The following SLC30A9 variants were observed in gnomAD, a reference collection of about 807,000 sequenced individuals.
SLC30A9 encodes the protein solute carrier family 30 member 9, also known as proton-coupled zinc antiporter SLC30A9, mitochondrial.
Under a neutral mutation model 87.5 loss-of-function variants are expected in SLC30A9, and 58 were observed. The ratio of observed to expected loss-of-function variants is 0.66; its 90% CI spans 0.54 to 0.82. The LOEUF (loss-of-function observed/expected upper bound fraction) is 0.82, where lower values mean the gene tolerates loss of function less well. Ranked by LOEUF, SLC30A9 falls within the 40% of genes least tolerant of loss-of-function variation. The probability of loss-of-function intolerance (pLI) is 0.00; values close to 1 mark genes in which losing one functional copy is unlikely to be tolerated. For synonymous variants in SLC30A9, 234 were observed against 233.0 expected, an observed-to-expected ratio of 1.00 and a Z score of -0.04; for missense variants, 557 against 679.1, an observed-to-expected ratio of 0.82 and a Z score of 2.00.
intron 2 of SLC30A9, among the ~76,000 whole-genome samples, chr4:42,008,512 T>C (rs1356552677): frequency 6.6e-6 from 1 of 152,128 alleles, no homozygotes; most frequent in Non-Finnish European, 1.5e-5. Flanking sequence ...ATTTAGGAGT[T>C]TTTACCTATA....
rs140212831 is a variant in SLC30A9, at chr4:42,022,908, T to C, written c.505T>C (p.Leu169=). 5.3e-4 allele frequency: 839 copies of C among 1,581,898 alleles called. 3 individuals are homozygous for C. The highest frequency in any genetic ancestry group is 1.6e-3 in the South Asian group (138 of 85,396). The change falls in exon 5 of 18, where the codon TTG becomes CTG. Residue 169 remains leucine (L), a synonymous_variant. Coordinates refer to ENST00000264451, the MANE Select transcript of SLC30A9 (RefSeq NM_006345.4). ...AGATACTGAGTCTTTTACTGTATAC[T>C]TGAGATCAGATGTGGAAGCAAAGTA... ...HEDTESFTVY[L]RSDVEAKSLE... is the part of the protein sequence containing the mutation.
intron 10 of SLC30A9, among the ~76,000 whole-genome samples, chr4:42,061,267 C>A (rs1440131848): frequency 1.3e-5 from 2 of 152,106 alleles, no homozygotes; most frequent in Non-Finnish European, 2.9e-5. Flanking sequence ...TGAAATGTGG[C>A]CAGTGCAACT....
chr4:42,025,923 G>T (rs1577692493), intron 6 of SLC30A9, among the ~76,000 whole-genome samples: 1 of 152,084 alleles, frequency 6.6e-6, no homozygotes, highest in South Asian at 2.1e-4. Flanking sequence ...AAAGTGCTGG[G>T]ATTACAGGCG....
At chr4:42,026,266 T>G (rs1716187676) in intron 6 of SLC30A9, among the ~76,000 whole-genome samples, 1 of 152,222 alleles carries the variant, frequency 6.6e-6, no homozygotes, top group African/African-American at 2.4e-5. Context: ...TGGTTTCCAT[T>G]GAGTTTCTTT....
chr4:41,991,176 C>T (rs1166521442), intron 1 of SLC30A9, among the ~76,000 whole-genome samples: 1 of 152,232 alleles, frequency 6.6e-6, no homozygotes, highest in Non-Finnish European at 1.5e-5. Flanking sequence ...ATTTTCTTGG[C>T]CTTCTTTTTC....
intron 2 of SLC30A9, among the ~76,000 whole-genome samples, chr4:42,005,937 T>C (rs1715183073): frequency 6.6e-6 from 1 of 152,222 alleles, no homozygotes; most frequent in Non-Finnish European, 1.5e-5. Flanking sequence ...CATTTAGCCC[T>C]GTATTCATGT....
intron 7 of SLC30A9, among the ~76,000 whole-genome samples, chr4:42,035,999 T>C (rs1284328766): frequency 6.6e-6 from 1 of 152,198 alleles, no homozygotes; most frequent in Admixed American, 6.5e-5. Flanking sequence ...ACTCTGTGCT[T>C]GTATCCAAGA....
At chr4:42,001,247 C>T (rs1714970289) in intron 1 of SLC30A9, among the ~76,000 whole-genome samples, 1 of 151,986 alleles carries the variant, frequency 6.6e-6, no homozygotes, top group Non-Finnish European at 1.5e-5. Context: ...AAGAAGGACA[C>T]AGGATAATTT....
rs150264705 is a variant in SLC30A9 at position 42,035,739 on chromosome 4, G to A, written c.669+406G>A. On this transcript the variant is annotated intron_variant, in intron 7 of 17. Transcript: ENST00000264451. ...TTGAACTCCTGACCTCAGGTGATGC[G>A]CCTGCCTCGGCCTCCCAAAGTGTTG... Among the ~76,000 whole-genome samples, 1,172 of 147,854 alleles carry A rather than the reference G, an allele frequency of 7.9e-3. 15 individuals carry two copies. Among genetic ancestry groups the A allele is most frequent in the African/African-American group, 0.026 (1,082 of 41,130 alleles).
At chr4:42,035,131 C>A in intron 6 of SLC30A9, 144 bp from the exon 7 acceptor site, 1 of 742,108 alleles carries the variant, frequency 1.3e-6, no homozygotes, top group Non-Finnish European at 2.1e-6. Flanking sequence ...AATCAGTTTA[C>A]AAATCCAAAT....
At chr4:42,064,421 T>A (rs1279496001) in intron 11 of SLC30A9, among the ~76,000 whole-genome samples, 3 of 151,698 alleles carry the variant, frequency 2.0e-5, no homozygotes, top group Non-Finnish European at 4.4e-5. Flanking sequence ...TGTTATATCA[T>A]GCAAATCTAC....
At chr4:42,078,947 T>C (rs1295216568) in intron 17 of SLC30A9, 1 of 152,214 alleles carries the variant, frequency 6.6e-6, no homozygotes, top group East Asian at 1.9e-4. Context: ...CTGCAGTTGA[T>C]ATTGACCATT....
chr4:42,020,708 A>G, intron 4 of SLC30A9, 193 bp downstream of exon 4: 1 of 451,192 alleles, frequency 2.2e-6, no homozygotes, highest in Non-Finnish European at 3.9e-6. Flanking sequence ...CTGCCCCAGC[A>G]TTAGCAATTC....
At chr4:41,991,022 C>T (rs1714413749) in intron 1 of SLC30A9, among the ~76,000 whole-genome samples, 1 of 152,236 alleles carries the variant, frequency 6.6e-6, no homozygotes, top group African/African-American at 2.4e-5. Flanking sequence ...CCTCTGAAGC[C>T]TACCGCTTTG....
At chr4:42,060,960 T>A (rs768055800) in intron 10 of SLC30A9, among the ~76,000 whole-genome samples, 4 of 152,170 alleles carry the variant, frequency 2.6e-5, no homozygotes, top group Non-Finnish European at 5.9e-5. Flanking sequence ...ATAAATAACA[T>A]ATTTGAATGT....
intron 2 of SLC30A9, among the ~76,000 whole-genome samples, chr4:42,016,027 C>T (rs927481126): frequency 8.6e-5 from 13 of 152,020 alleles, no homozygotes; most frequent in African/African-American, 2.9e-4. Flanking sequence ...TTTCTATGCC[C>T]CAGTTTCCTC....
chr4:42,002,030 A>C (rs1349698341), intron 2 of SLC30A9, among the ~76,000 whole-genome samples: 1 of 152,026 alleles, frequency 6.6e-6, no homozygotes, highest in Non-Finnish European at 1.5e-5. Context: ...AAAGTGTATA[A>C]TAATGTTCCC....
rs563301540 is a variant in SLC30A9, at chr4:42,042,829, C to T, written c.737+3776C>T. On this transcript the variant is annotated intron_variant, in intron 8 of 17. Coordinates refer to ENST00000264451, the MANE Select transcript of SLC30A9 (RefSeq NM_006345.4). Reference sequence around the variant, plus strand: ...ACAGACACCTCATACAGGAGAGCTCCAGCTGACATCTGGCAGGTGCTCCTC... The same window carrying T: ...ACAGACACCTCATACAGGAGAGCTCTAGCTGACATCTGGCAGGTGCTCCTC... Among the ~76,000 whole-genome samples, 117 of 152,282 alleles carry T rather than the reference C, an allele frequency of 7.7e-4. 3 individuals are homozygous for T. Among genetic ancestry groups the T allele is most frequent in the African/African-American group, 2.7e-3 (111 of 41,562 alleles).
rs1399013519 is a variant in SLC30A9, at chr4:42,067,233, T to C, written c.1252+41T>C. The C allele has an allele frequency of 2.5e-6, 3 of 1,210,842 alleles. No homozygotes were observed. The East Asian group carries it at 7.0e-5, about 28-fold the overall frequency. The allele number at this position is 1,210,842 out of a possible 1,614,324, so 75.0% of individuals were successfully genotyped here. On this transcript the variant is annotated intron_variant, in intron 14 of 17. Coordinates refer to ENST00000264451, the MANE Select transcript of SLC30A9 (RefSeq NM_006345.4). ...ATTACAGGTGATTTATTTGTCCTAC[T>C]TAAATAATTCTCTAATATGTGGGAA...
Sources: allele counts gnomAD v4.1 joint callset (sites outside exome capture counted in the v4.1 genomes callset), GRCh38; gene constraint gnomAD v4.1.1; transcripts MANE v1.5; gene names NCBI Gene and HGNC (gene_info 2026-07-23, HGNC 2026-07-21).